NSMCE2: variants seen among roughly 807,000 people sequenced by gnomAD.
NSMCE2 encodes the protein E3 SUMO-protein ligase NSE2.
NSMCE2 carries 24 observed loss-of-function variants against 23.8 expected under a neutral mutation model. The observed-to-expected ratio is 1.01, with a 90% confidence interval of 0.73 to 1.42. The LOEUF is 1.42. Ranked by LOEUF, NSMCE2 falls within the 40% of genes most tolerant of loss-of-function variation. The pLI is 0.00. For synonymous variants in NSMCE2, 92 were observed against 94.1 expected, an observed-to-expected ratio of 0.98 and a Z score of 0.13; for missense variants, 284 against 296.5, an observed-to-expected ratio of 0.96 and a Z score of 0.31.
chr8:125,217,650 G>A (rs1471980808), intron 5 of NSMCE2, among the ~76,000 whole-genome samples: 2 of 152,182 alleles, frequency 1.3e-5, no homozygotes, highest in East Asian at 3.8e-4. Flanking sequence ...ACAGGCGTGA[G>A]CCACCGCGCC....
intron 5 of NSMCE2, among the ~76,000 whole-genome samples, chr8:125,186,519 AAGC>A (rs1309431824): frequency 6.6e-6 from 1 of 152,232 alleles, no homozygotes; most frequent in Non-Finnish European, 1.5e-5. Context: ...AAAAAGCAAA[AAGC>A]AGGAATCTGT....
At chr8:125,354,088 C>T (rs1438461585) in intron 5 of NSMCE2, among the ~76,000 whole-genome samples, 4 of 151,376 alleles carry the variant, frequency 2.6e-5, no homozygotes, top group African/African-American at 4.9e-5. Flanking sequence ...CCCACCACCA[C>T]GCCCAGCTAA....
intron 5 of NSMCE2, among the ~76,000 whole-genome samples, chr8:125,356,326 G>GTTTTTTTTTTTTTTTTTTTTT (rs747884264): frequency 1.9e-5 from 2 of 105,436 alleles, no homozygotes; most frequent in Non-Finnish European, 1.8e-5. Flanking sequence ...TAATTTTTTG[G>GTTTTTTTTTTTTTTTTTTTTT]TTTTTTTTTT....
At chr8:125,351,477 G>A (rs1310142488) in intron 5 of NSMCE2, 1 of 152,182 alleles carries the variant, frequency 6.6e-6, no homozygotes, top group African/African-American at 2.4e-5. Flanking sequence ...ACCCTGGGCA[G>A]GGGCATCTGG....
chr8:125,269,851 A>G (rs1046387251), intron 5 of NSMCE2, among the ~76,000 whole-genome samples: 3 of 152,232 alleles, frequency 2.0e-5, no homozygotes, highest in Admixed American at 6.5e-5. Context: ...CTGAGAGTGT[A>G]ACAAAGTAAG....
chr8:125,121,205 TGAA>T (rs1819247414), intron 3 of NSMCE2, among the ~76,000 whole-genome samples: 1 of 152,200 alleles, frequency 6.6e-6, no homozygotes, highest in African/African-American at 2.4e-5. Flanking sequence ...GCTCAGTAGA[TGAA>T]GAAGGGAAAG....
At chr8:125,241,482 A>G (rs1196743424) in intron 5 of NSMCE2, among the ~76,000 whole-genome samples, 1 of 152,244 alleles carries the variant, frequency 6.6e-6, no homozygotes, top group Non-Finnish European at 1.5e-5. Flanking sequence ...TTACAGTTAT[A>G]TCTGGGTCGT....
At chr8:125,310,597 T>C (rs1292536647) in intron 5 of NSMCE2, among the ~76,000 whole-genome samples, 1 of 151,880 alleles carries the variant, frequency 6.6e-6, no homozygotes, top group East Asian at 1.9e-4. Context: ...TAAGCCCCCT[T>C]TTTTTTTGTC....
intron 5 of NSMCE2, among the ~76,000 whole-genome samples, chr8:125,222,539 C>G (rs1824910703): frequency 6.6e-6 from 1 of 152,146 alleles, no homozygotes; most frequent in Admixed American, 6.5e-5. Flanking sequence ...CTTCCCCCAA[C>G]CTCTGGTAAC....
chr8:125,179,495 C>T (rs1205782868), intron 4 of NSMCE2, among the ~76,000 whole-genome samples: 1 of 151,996 alleles, frequency 6.6e-6, no homozygotes, highest in Non-Finnish European at 1.5e-5. Flanking sequence ...ATAGTTAGTG[C>T]CCATTTGTTT....
intron 5 of NSMCE2, among the ~76,000 whole-genome samples, chr8:125,313,194 G>A (rs1829040902): frequency 1.4e-5 from 2 of 143,560 alleles, no homozygotes; most frequent in African/African-American, 5.2e-5. Context: ...GAGAAAGAAA[G>A]AGAGAGAGAA....
intron 3 of NSMCE2, among the ~76,000 whole-genome samples, chr8:125,106,359 T>A (rs1818457087): frequency 6.6e-6 from 1 of 152,146 alleles, no homozygotes; most frequent in African/African-American, 2.4e-5. Context: ...AACACAAATT[T>A]TTCAAAGTTC....
chr8:125,325,497 A>G (rs981793228), intron 5 of NSMCE2, among the ~76,000 whole-genome samples: 1 of 151,908 alleles, frequency 6.6e-6, no homozygotes, highest in African/African-American at 2.4e-5. Context: ...CCACAAGCAC[A>G]TACCACCACA....
At chr8:125,106,047 TACACACACAC>T (rs138450338) in intron 3 of NSMCE2, among the ~76,000 whole-genome samples, 1 of 148,238 alleles carries the variant, frequency 6.7e-6, no homozygotes, top group Non-Finnish European at 1.5e-5. Flanking sequence ...TGTGTGTGCA[TACACACACAC>T]ACACACACAC....
Position 125,213,513 on chromosome 8 carries a change from TC to T in NSMCE2, c.418+31259del, listed in dbSNP as rs1399752234. Reference sequence around the variant, plus strand: ...TCCTCTCCTCTCCTCTCCTCTCCTCTCCTCTCCTCTCCTCTCCTCTCCTCTC... The same window carrying T: ...TCCTCTCCTCTCCTCTCCTCTCCTCTCTCTCCTCTCCTCTCCTCTCCTCTC... On this transcript the variant is annotated intron_variant, in intron 5 of 7. Transcript: ENST00000287437. 5.2e-5 allele frequency among the ~76,000 whole-genome samples: 7 copies of T among 134,360 alleles called. 1 individual carries two copies. Among genetic ancestry groups the T allele is most frequent in the Non-Finnish European group, 1.1e-4 (7 of 61,644 alleles). 88.1% of individuals were successfully genotyped at this position (134,360 alleles called of 152,430 possible).
intron 1 of NSMCE2, among the ~76,000 whole-genome samples, chr8:125,093,605 C>T (rs1817784490): frequency 6.6e-6 from 1 of 151,968 alleles, no homozygotes; most frequent in Non-Finnish European, 1.5e-5. Context: ...CACCTGTAAT[C>T]CCAGCTACTC....
chr8:125,283,365 T>C (rs1282100573), intron 5 of NSMCE2, among the ~76,000 whole-genome samples: 1 of 152,046 alleles, frequency 6.6e-6, no homozygotes, highest in Non-Finnish European at 1.5e-5. Context: ...ATGGTCAACA[T>C]GACGAAACCC....
At chr8:125,305,803 A>T (rs935920910) in intron 5 of NSMCE2, among the ~76,000 whole-genome samples, 1 of 152,212 alleles carries the variant, frequency 6.6e-6, no homozygotes. Flanking sequence ...ATAAATTTTT[A>T]GTCAGCTGGG....
chr8:125,326,716 G>A (rs928795471), intron 5 of NSMCE2, among the ~76,000 whole-genome samples: 2 of 152,208 alleles, frequency 1.3e-5, no homozygotes, highest in South Asian at 2.1e-4. Flanking sequence ...AGCACTTTGG[G>A]AGGCCGAGGC....
Sources: gnomAD v4.1 joint callset for allele counts (sites outside exome capture counted in the v4.1 genomes callset) on GRCh38, gnomAD v4.1.1 for gene constraint, MANE v1.5 for transcripts, NCBI Gene and HGNC (gene_info 2026-07-23, HGNC 2026-07-21) for gene names.